ZNF804B: variants seen among roughly 807,000 people sequenced by gnomAD.
The protein encoded by ZNF804B is zinc finger protein 804B, also known as zinc finger 804B.
ZNF804B carries 80 observed loss-of-function variants against 101.4 expected under a neutral mutation model. The ratio of observed to expected loss-of-function variants is 0.79; its 90% confidence interval spans 0.66 to 0.95. ZNF804B has a LOEUF of 0.95. ZNF804B is among the 40% of genes least tolerant of loss of function. ZNF804B has a pLI of 0.00. For synonymous variants in ZNF804B, 622 were observed against 558.8 expected (o/e 1.11, Z -1.59); for missense variants, 1,673 against 1,561.9 (o/e 1.07, Z -1.20).
At chr7:89,213,297 T>C (rs1788833407) in intron 1 of ZNF804B, among the ~76,000 whole-genome samples, 1 of 152,128 alleles carries the variant, frequency 6.6e-6, no homozygotes, top group African/African-American at 2.4e-5. Context: ...AGGATTTCAT[T>C]TGGGGCTAAT....
At chr7:89,091,084 C>A (rs1453451558) in intron 1 of ZNF804B, among the ~76,000 whole-genome samples, 1 of 152,014 alleles carries the variant, frequency 6.6e-6, no homozygotes. Context: ...CCAAAATTTA[C>A]TTCATTTTTT....
chr7:89,190,057 T>C (rs1788430352), intron 1 of ZNF804B, among the ~76,000 whole-genome samples: 1 of 152,128 alleles, frequency 6.6e-6, no homozygotes, highest in Non-Finnish European at 1.5e-5. Flanking sequence ...ATAAGTTGTT[T>C]CCAGCCCTCA....
chr7:89,033,185 G>A (rs1473357656), intron 1 of ZNF804B, among the ~76,000 whole-genome samples: 1 of 151,816 alleles, frequency 6.6e-6, no homozygotes, highest in Non-Finnish European at 1.5e-5. Flanking sequence ...GAGTTCTATT[G>A]TTTTAGAATC....
chr7:89,026,102 G>A (rs1020894208), intron 1 of ZNF804B, among the ~76,000 whole-genome samples: 19 of 152,100 alleles, frequency 1.2e-4, no homozygotes, highest in Admixed American at 4.6e-4. Flanking sequence ...TTAAATCCCC[G>A]TAATGTGCCA....
chr7:88,796,541 T>C (rs970681350), intron 1 of ZNF804B, among the ~76,000 whole-genome samples: 4 of 152,162 alleles, frequency 2.6e-5, no homozygotes, highest in Admixed American at 1.3e-4. Context: ...AAAGTGTCCA[T>C]GTTGACCAGA....
intron 1 of ZNF804B, among the ~76,000 whole-genome samples, chr7:88,885,588 A>G (rs1345442637): frequency 6.6e-6 from 1 of 150,754 alleles, no homozygotes; most frequent in Non-Finnish European, 1.5e-5. Context: ...AAGAACAACT[A>G]TAAGCAATTA....
intron 1 of ZNF804B, among the ~76,000 whole-genome samples, chr7:88,933,151 C>T (rs1792914518): frequency 1.3e-5 from 2 of 151,458 alleles, no homozygotes; most frequent in Admixed American, 1.3e-4. Context: ...ATATACATGA[C>T]AATAAATGTG....
chr7:88,913,485 C>T (rs1398807604), intron 1 of ZNF804B, among the ~76,000 whole-genome samples: 1 of 152,130 alleles, frequency 6.6e-6, no homozygotes, highest in Non-Finnish European at 1.5e-5. Context: ...ACCTCTGCCT[C>T]CTGGGTTCAA....
intron 1 of ZNF804B, among the ~76,000 whole-genome samples, chr7:88,767,646 G>A (rs1373643995): frequency 6.6e-6 from 1 of 152,150 alleles, no homozygotes. Context: ...GAGGCATGGA[G>A]GTGGCCATAT....
intron 1 of ZNF804B, among the ~76,000 whole-genome samples, chr7:88,872,483 T>G (rs1791843220): frequency 6.6e-6 from 1 of 152,110 alleles, no homozygotes; most frequent in Admixed American, 6.6e-5. Context: ...TTTATTATTA[T>G]TATACTTTAA....
chr7:89,034,748 T>C (rs934575645), intron 1 of ZNF804B, among the ~76,000 whole-genome samples: 1 of 152,184 alleles, frequency 6.6e-6, no homozygotes, highest in Non-Finnish European at 1.5e-5. Context: ...TGATTTATAA[T>C]CCTTTGGGTG....
intron 1 of ZNF804B, among the ~76,000 whole-genome samples, chr7:89,031,007 C>T (rs1441855761): frequency 2.0e-5 from 3 of 149,094 alleles, no homozygotes; most frequent in East Asian, 2.0e-4. Context: ...GCATTACACA[C>T]TGGGGCCTTT....
rs566972702 is a variant in ZNF804B, at chr7:89,216,238, G to C, written c.109-1917G>C. On this transcript the variant is annotated intron_variant, in intron 1 of 3. Transcript: ENST00000333190. ...GGGAGAATCGCTTGAACTCCGGGAGGGGGAGGTCGCGGTGAGCCGAGATCG... is the reference window on the plus strand; with the variant it reads ...GGGAGAATCGCTTGAACTCCGGGAGCGGGAGGTCGCGGTGAGCCGAGATCG... 4.7e-3 allele frequency among the ~76,000 whole-genome samples: 711 copies of C among 152,282 alleles called. 11 individuals carry two copies. The highest frequency in any genetic ancestry group is 0.016 in the African/African-American group (667 of 41,566).
At chr7:89,245,564 T>C (rs111855631) in intron 2 of ZNF804B, among the ~76,000 whole-genome samples, 17 of 152,080 alleles carry the variant, frequency 1.1e-4, no homozygotes, top group African/African-American at 3.9e-4. Context: ...ATTGTAAGAA[T>C]TACACCTAAA....
chr7:89,040,038 T>A (rs540784489), intron 1 of ZNF804B, among the ~76,000 whole-genome samples: 1 of 152,110 alleles, frequency 6.6e-6, no homozygotes, highest in East Asian at 1.9e-4. Context: ...ATCTGGAGAT[T>A]TTTCTGTTAT....
chr7:89,262,391 A>G (rs1789724146), intron 2 of ZNF804B, among the ~76,000 whole-genome samples: 1 of 152,100 alleles, frequency 6.6e-6, no homozygotes. Flanking sequence ...CTTGAGCCTC[A>G]GGTCCAATTC....
At chr7:88,936,183 T>TA (rs1028929664) in intron 1 of ZNF804B, among the ~76,000 whole-genome samples, 37 of 151,878 alleles carry the variant, frequency 2.4e-4, no homozygotes, top group Non-Finnish European at 8.8e-5. Flanking sequence ...ACTTTAAGAA[T>TA]AAAAAAGTTA....
intron 2 of ZNF804B, among the ~76,000 whole-genome samples, chr7:89,325,015 T>A (rs1790877963): frequency 6.6e-6 from 1 of 152,006 alleles, no homozygotes; most frequent in Non-Finnish European, 1.5e-5. Flanking sequence ...CTATTCAATA[T>A]CCTGTCATTT....
intron 1 of ZNF804B, among the ~76,000 whole-genome samples, chr7:88,922,153 T>C (rs1320202884): frequency 2.6e-5 from 4 of 152,046 alleles, no homozygotes. Context: ...TTAGTCCCAT[T>C]CTGTTACTGT....
Sources: gnomAD v4.1 joint callset for allele counts (sites outside exome capture counted in the v4.1 genomes callset) on GRCh38, gnomAD v4.1.1 for gene constraint, MANE v1.5 for transcripts, NCBI Gene and HGNC (gene_info 2026-07-23, HGNC 2026-07-21) for gene names.